The following MMP15 variants were observed in gnomAD, a reference collection of about 807,000 sequenced individuals.
MMP15 encodes matrix metalloproteinase-15.
Under a neutral mutation model 65.0 loss-of-function variants are expected in MMP15, and 36 were observed. The ratio of observed to expected loss-of-function variants is 0.55; its 90% CI spans 0.42 to 0.73. The LOEUF (loss-of-function observed/expected upper bound fraction) is 0.73, where lower values mean the gene tolerates loss of function less well. MMP15 is among the 30% of genes least tolerant of loss of function. The pLI is 0.00. For missense variants in MMP15, 870 were observed against 987.8 expected (o/e 0.88, Z 1.60); for synonymous variants, 428 against 410.2 (o/e 1.04, Z -0.52).
intron 5 of MMP15, 130 bp downstream of exon 5, chr16:58,040,828 C>A (rs779436928): frequency 7.4e-7 from 1 of 1,346,452 alleles, no homozygotes; most frequent in South Asian, 1.2e-5. Context: ...GTGACTTGCC[C>A]ACATCATTTG....
At position 58,037,633 on chromosome 16, in the gene MMP15, C is replaced by T; in HGVS notation, c.311+13C>T. On this transcript the variant is annotated intron_variant, in intron 2 of 9. Transcript: ENST00000219271. ...AAGAGACCAAGGAGTGAGTTCCCCC[C>T]ACCATCCACACCCCACAGGCACCTG... The T allele has an allele frequency of 6.2e-7, 1 of 1,614,042 alleles. No individual in the cohort carries two copies. The highest frequency in any genetic ancestry group is 8.5e-7 in the Non-Finnish European group (1 of 1,179,954).
intron 3 of MMP15, among the ~76,000 whole-genome samples, chr16:58,038,655 G>A (rs1959385231): frequency 6.6e-6 from 1 of 152,198 alleles, no homozygotes; most frequent in Non-Finnish European, 1.5e-5. Flanking sequence ...TACTGCCCCA[G>A]CACAGACTGC....
At position 58,042,363 on chromosome 16, in the gene MMP15, T is replaced by A. The variant is rs768137640; in HGVS notation, c.1297T>A (p.Phe433Ile). Reference protein sequence around the residue: ...YERQDGRFVFFKGDRYWLFRE... With the variant: ...YERQDGRFVFIKGDRYWLFRE... ...GCGCCAAGACGGTCGTTTTGTCTTT[T>A]TCAAAGGTGAGCAGAGGTAGGGTTA... is the stretch of plus-strand genomic sequence containing the variant. The change falls in exon 7 of 10, where the codon TTC becomes ATC. Residue 433 changes from phenylalanine (F) to isoleucine (I), a missense_variant. By Grantham distance (21) the Phe-to-Ile change is conservative. Transcript: ENST00000219271. The A allele has an allele frequency of 2.2e-5, 36 of 1,614,006 alleles. No individual in the cohort carries two copies. Among genetic ancestry groups the A allele is most frequent in the Non-Finnish European group, 2.9e-5 (34 of 1,180,004 alleles).
intron 1 of MMP15, among the ~76,000 whole-genome samples, chr16:58,035,844 G>T (rs568124861): frequency 6.6e-6 from 1 of 152,308 alleles, no homozygotes; most frequent in Admixed American, 6.5e-5. Context: ...CCCTCCTTGG[G>T]TCAGCAGCTG....
Position 58,042,220 on chromosome 16 carries a change from G to T in MMP15, c.1165-11G>T. On this transcript the variant is annotated splice_polypyrimidine_tract_variant and intron_variant, in intron 6 of 9. Coordinates refer to ENST00000219271, the MANE Select transcript of MMP15 (RefSeq NM_002428.4). ...TGCCTGCGCTGCCCGCTCACACTAT[G>T]CCCTCCCCAGGGCCGCTGGTTCTGG... The T allele has an allele frequency of 1.2e-6, 2 of 1,611,806 alleles. No homozygotes were observed. The highest frequency in any genetic ancestry group is 1.7e-6 in the Non-Finnish European group (2 of 1,178,948).
In MMP15 at chr16:58,043,319, G is replaced by T. The variant is rs1959490978; in HGVS notation, c.1413G>T (p.Trp471Cys). 6.2e-7 allele frequency: 1 copy of T among 1,605,468 alleles called. No individual in the cohort carries two copies. The highest frequency in any genetic ancestry group is 1.1e-5 in the South Asian group (1 of 89,862). Residue 471 changes from tryptophan (W) to cysteine (C), a missense_variant, in exon 8 of 10, where the codon TGG becomes TGT. Trp to Cys is a radical substitution (Grantham distance 215). Coordinates refer to ENST00000219271, the MANE Select transcript of MMP15 (RefSeq NM_002428.4). ...ATGACCGCATTGACACGGCCATCTG[G>T]TGGGAGCCCACAGGCCACACCTTCT... ...IPYDRIDTAIWWEPTGHTFFF... is the reference protein window; with the variant it reads ...IPYDRIDTAICWEPTGHTFFF...
intron 1 of MMP15, among the ~76,000 whole-genome samples, chr16:58,036,616 T>C (rs946062373): frequency 3.3e-5 from 5 of 152,208 alleles, no homozygotes; most frequent in African/African-American, 1.2e-4. Context: ...CCCCATTCTA[T>C]AGGTGAGGAA....
At chr16:58,028,257 A>G (rs779901627) in intron 1 of MMP15, among the ~76,000 whole-genome samples, 6 of 152,288 alleles carry the variant, frequency 3.9e-5, no homozygotes, top group Non-Finnish European at 7.4e-5. Context: ...GGAAGAAGCC[A>G]TGGTTGCGTT....
chr16:58,042,211 T>C lies in MMP15; in HGVS notation c.1165-20T>C. ...AAGGCAGCTTGCCTGCGCTGCCCGCTCACACTATGCCCTCCCCAGGGCCGC... is the reference window on the plus strand; with the variant it reads ...AAGGCAGCTTGCCTGCGCTGCCCGCCCACACTATGCCCTCCCCAGGGCCGC... On this transcript the variant is annotated intron_variant, in intron 6 of 9. Coordinates refer to ENST00000219271, the MANE Select transcript of MMP15 (RefSeq NM_002428.4). 1 of 1,606,656 alleles carries C rather than the reference T, an allele frequency of 6.2e-7. No homozygotes were observed. The highest frequency in any genetic ancestry group is 1.7e-5 in the Admixed American group (1 of 59,292).
intron 3 of MMP15, among the ~76,000 whole-genome samples, chr16:58,039,639 C>T (rs536188584): frequency 2.6e-5 from 4 of 152,340 alleles, no homozygotes; most frequent in South Asian, 2.1e-4. Context: ...TTTTAGTTTA[C>T]TTAATGTCTC....
intron 7 of MMP15, among the ~76,000 whole-genome samples, chr16:58,042,825 C>T (rs1329760024): frequency 6.6e-6 from 1 of 152,222 alleles, no homozygotes; most frequent in Non-Finnish European, 1.5e-5. Flanking sequence ...AGGGCTGGCA[C>T]CAAACTAAAA....
intron 4 of MMP15, 130 bp downstream of exon 4, chr16:58,040,312 C>A: frequency 9.4e-7 from 1 of 1,069,286 alleles, no homozygotes; most frequent in Non-Finnish European, 1.3e-6. Flanking sequence ...CTCCAGATCA[C>A]TACACTCAAT....
intron 1 of MMP15, among the ~76,000 whole-genome samples, chr16:58,029,142 A>T (rs1341014795): frequency 6.6e-6 from 1 of 152,192 alleles, no homozygotes; most frequent in East Asian, 1.9e-4. Flanking sequence ...CAACAGGCCC[A>T]CGAGTATCTT....
At position 58,026,260 on chromosome 16, in the gene MMP15, C is replaced by T; in HGVS notation, c.-91C>T. The T allele has an allele frequency of 2.5e-6, 3 of 1,217,946 alleles. No individual in the cohort carries two copies. In the African/African-American group the frequency reaches 4.7e-5, roughly 19 times the overall value. The allele number at this position is 1,217,946 out of a possible 1,614,324, so 75.4% of individuals were successfully genotyped here. ...GAGCCCGAGGTCCGCGGCGCGCCTG[C>T]CGGGCCAGGAGCCAGGGAGCGTCGC... On this transcript the variant is annotated 5_prime_UTR_variant, in exon 1 of 10. Transcript: ENST00000219271.
intron 2 of MMP15, among the ~76,000 whole-genome samples, chr16:58,038,020 G>A (rs572285195): frequency 1.3e-5 from 2 of 152,330 alleles, no homozygotes; most frequent in South Asian, 2.1e-4. Context: ...GGCCTTGAGC[G>A]AACCCTCCAT....
At chr16:58,043,381 C>T (rs1251444424) in intron 8 of MMP15, 21 bp downstream of exon 8, 6 of 1,599,080 alleles carry the variant, frequency 3.8e-6, no homozygotes, top group Non-Finnish European at 5.1e-6. Flanking sequence ...CGTCCCTCCC[C>T]TAAGGGGAGA....
Position 58,033,267 on chromosome 16 carries a change from G to C in MMP15, c.163-4205G>C, listed in dbSNP as rs112070941. The stretch of plus-strand genomic sequence containing the variant: ...TCCTGAGAAAGGTCCAGTGTCCCCA[G>C]CCTGAGGCCAAGAGGAGCTGGTGAT... On this transcript the variant is annotated intron_variant, in intron 1 of 9. Transcript: ENST00000219271. Among the ~76,000 whole-genome samples the C allele has an allele frequency of 3.0e-3, 453 of 152,332 alleles. 1 individual carries two copies. The highest frequency in any genetic ancestry group is 0.01 in the African/African-American group (429 of 41,586).
chr16:58,031,550 C>T (rs781265577), intron 1 of MMP15, among the ~76,000 whole-genome samples: 47 of 152,132 alleles, frequency 3.1e-4, no homozygotes, highest in African/African-American at 1.1e-3. Context: ...CTCTTCACCC[C>T]GCGCGCTGGC....
chr16:58,029,584 G>C (rs1009336922), intron 1 of MMP15, among the ~76,000 whole-genome samples: 3 of 152,294 alleles, frequency 2.0e-5, no homozygotes, highest in Middle Eastern at 6.8e-3. Context: ...TTCACACCCA[G>C]CCCTTGCCAT....
Sources: gnomAD v4.1 joint callset for allele counts (sites outside exome capture counted in the v4.1 genomes callset) on GRCh38, gnomAD v4.1.1 for gene constraint, MANE v1.5 for transcripts, NCBI Gene and HGNC (gene_info 2026-07-23, HGNC 2026-07-21) for gene names.